Variants in TULP1 observed in about 807,000 individuals in gnomAD.
TULP1 encodes tubby-related protein 1.
TULP1 carries 50 observed loss-of-function variants against 67.1 expected under a neutral mutation model. The ratio of observed to expected loss-of-function variants is 0.75; its 90% CI spans 0.59 to 0.94. TULP1 has a LOEUF of 0.94. Ranked by LOEUF, TULP1 falls within the 40% of genes least tolerant of loss-of-function variation. The pLI, the probability that TULP1 is intolerant of heterozygous loss-of-function variation, is 0.00. For synonymous variants in TULP1, 297 were observed against 294.0 expected (o/e 1.01, Z -0.11); for missense variants, 746 against 734.1 (o/e 1.02, Z -0.19).
chr6:35,510,645 A>C (rs565518279), intron 5 of TULP1: 2 of 958,138 alleles, frequency 2.1e-6, no homozygotes, highest in Non-Finnish European at 3.0e-6. Context: ...CACAGAGCTC[A>C]AGGGGCAGGG....
At position 35,512,848 on chromosome 6, in the gene TULP1, C is replaced by T. The variant is rs373351673; in HGVS notation, c.11G>A (p.Arg4Gln). 1.5e-5 allele frequency: 25 copies of T among 1,612,928 alleles called. No homozygotes were observed. The highest frequency in any genetic ancestry group is 4.5e-5 in the East Asian group (2 of 44,892). Residue 4 changes from arginine to glutamine, a missense_variant, in exon 1 of 15, where the codon CGG becomes CAG. Coordinates refer to ENST00000229771, the MANE Select transcript of TULP1 (RefSeq NM_003322.6). MPLRDETLREVWAS... is the reference protein window; with the variant it reads MPLQDETLREVWAS... ...CCACACCTCTCGGAGGGTTTCATCC[C>T]GCAGAGGCATGGTGCCTTTGCCTAT...
chr6:35,503,308 T>C lies in TULP1; in HGVS notation c.1323+251A>G. ...CTAGGATAATACTTGGCACTCAATATGTGTGGTCAATGAAGATATGAATGG... is the reference window on the plus strand; with the variant it reads ...CTAGGATAATACTTGGCACTCAATACGTGTGGTCAATGAAGATATGAATGG... On this transcript the variant is annotated intron_variant, in intron 13 of 14. Coordinates refer to ENST00000229771, the MANE Select transcript of TULP1 (RefSeq NM_003322.6). The surrounding 1 kb of genome is among the most constrained non-coding windows in gnomAD (Gnocchi z 4.0). The C allele has an allele frequency of 2.0e-6, 1 of 509,408 alleles. No individual in the cohort carries two copies. Among genetic ancestry groups the C allele is most frequent in the Non-Finnish European group, 3.6e-6 (1 of 279,476 alleles). The allele number at this position is 509,408 out of a possible 1,614,324, so 31.6% of individuals were successfully genotyped here.
Position 35,503,464 on chromosome 6 carries a change from A to G in TULP1, c.1323+95T>C, listed in dbSNP as rs572508511. 7 of 1,246,578 alleles carry G rather than the reference A, an allele frequency of 5.6e-6. No individual in the cohort carries two copies. In the South Asian group the frequency reaches 9.0e-5, roughly 16 times the overall value. The allele number at this position is 1,246,578 out of a possible 1,614,324, so 77.2% of individuals were successfully genotyped here. A position where few individuals can be genotyped will look rare whatever the true frequency, so the allele number is the denominator to read the frequency against. On this transcript the variant is annotated intron_variant, in intron 13 of 14. Transcript: ENST00000229771. The surrounding 1 kb of genome is among the most constrained non-coding windows in gnomAD (Gnocchi z 4.0). ...CAGAATGAATTTGTGTTGGAGGGTG[A>G]TGGATGTGCTCAGGGAGTTGGCTAT...
At chr6:35,510,534 CTT>C (rs1237098773) in intron 5 of TULP1, among the ~76,000 whole-genome samples, 1 of 152,226 alleles carries the variant, frequency 6.6e-6, no homozygotes, top group African/African-American at 2.4e-5. Flanking sequence ...ACTGTAATCA[CTT>C]TGATACTTTT....
At chr6:35,499,857 G>A in intron 14 of TULP1, 124 bp downstream of exon 14, 1 of 1,209,520 alleles carries the variant, frequency 8.3e-7, no homozygotes, top group Non-Finnish European at 1.2e-6. Flanking sequence ...GACCCTGTGG[G>A]ATGTCCCAGC....
At chr6:35,510,799 G>A in intron 5 of TULP1, 62 bp downstream of exon 5, 1 of 1,609,520 alleles carries the variant, frequency 6.2e-7, no homozygotes. Flanking sequence ...GAGACGCCAA[G>A]CCCTCCAAGG....
chr6:35,499,104 G>A (rs750755339), intron 14 of TULP1, among the ~76,000 whole-genome samples: 2 of 152,160 alleles, frequency 1.3e-5, no homozygotes. Context: ...CTCAATGTTG[G>A]TCCAACCCTG....
At position 35,512,206 on chromosome 6, in the gene TULP1, G is replaced by A; in HGVS notation, c.164C>T (p.Thr55Met). The A allele has an allele frequency of 7.4e-7, 1 of 1,356,244 alleles. No individual in the cohort carries two copies. 84.0% of individuals were successfully genotyped at this position (1,356,244 alleles called of 1,614,324 possible). Reference protein sequence around the residue: ...RTEAPESPCPTGSKPRKPGAG... With the variant: ...RTEAPESPCPMGSKPRKPGAG... ...TCCGGGCTTCCGGGGCTTGGATCCC[G>A]TGGGGCAGGGGGATTCGGGGGCCTC... The change falls in exon 3 of 15, where the codon ACG (threonine) becomes ATG (methionine). Residue 55 changes from threonine to methionine, a missense_variant. By Grantham distance (81) the Thr-to-Met change is moderately conservative (BLOSUM62 -1). Coordinates refer to ENST00000229771, the MANE Select transcript of TULP1 (RefSeq NM_003322.6).
chr6:35,512,174 GC>G lies in TULP1; in HGVS notation c.190+5del. ...GGGGTCCACCCGGGCTCTGCACCCC[GC>G]CCACCTCCGGGCTTCCGGGGCTTGG... On this transcript the variant is annotated splice_donor_5th_base_variant and intron_variant, in intron 3 of 14. Coordinates refer to ENST00000229771, the MANE Select transcript of TULP1 (RefSeq NM_003322.6). 1 of 1,335,774 alleles carries G rather than the reference GC, an allele frequency of 7.5e-7. No homozygotes were observed. The highest frequency in any genetic ancestry group is 9.6e-7 in the Non-Finnish European group (1 of 1,042,558). The allele number at this position is 1,335,774 out of a possible 1,614,324, so 82.7% of individuals were successfully genotyped here. A position where few individuals can be genotyped will look rare whatever the true frequency, so the allele number is the denominator to read the frequency against.
chr6:35,507,762 G>C (rs1257466090), intron 8 of TULP1, among the ~76,000 whole-genome samples: 1 of 152,174 alleles, frequency 6.6e-6, no homozygotes, highest in Non-Finnish European at 1.5e-5. Flanking sequence ...AATGCTATTT[G>C]GGAGCCACGA....
chr6:35,512,280 G>T lies in TULP1; in HGVS notation c.100-10C>A. ...GTGCCGGGGCGGGTCGCTGCGGAAC[G>T]GGGGTCAAGAGGAGGTCGAGGAAGG... On this transcript the variant is annotated splice_polypyrimidine_tract_variant and intron_variant, in intron 2 of 14. Coordinates refer to ENST00000229771, the MANE Select transcript of TULP1 (RefSeq NM_003322.6). The T allele has an allele frequency of 7.2e-7, 1 of 1,380,964 alleles. No individual in the cohort carries two copies. The highest frequency in any genetic ancestry group is 1.5e-5 in the African/African-American group (1 of 68,536). The allele number at this position is 1,380,964 out of a possible 1,614,324, so 85.5% of individuals were successfully genotyped here. A position where few individuals can be genotyped will look rare whatever the true frequency, so the allele number is the denominator to read the frequency against.
At position 35,503,417 on chromosome 6, in the gene TULP1, C is replaced by G. The variant is rs2150924008; in HGVS notation, c.1323+142G>C. Reference sequence around the variant, plus strand: ...TTCAGTGAATTCAATTACAAAAAGCCCAAGTCCATTCCCTAGGTGGCCAGA... The same window carrying G: ...TTCAGTGAATTCAATTACAAAAAGCGCAAGTCCATTCCCTAGGTGGCCAGA... On this transcript the variant is annotated intron_variant, in intron 13 of 14. Transcript: ENST00000229771. This position sits in a 1 kb window ranked among gnomAD's most constrained non-coding sequence, Gnocchi z 4.0. 1 of 856,246 alleles carries G rather than the reference C, an allele frequency of 1.2e-6. No individual in the cohort carries two copies. Among genetic ancestry groups the G allele is most frequent in the East Asian group, 2.7e-5 (1 of 37,336 alleles). 53.0% of individuals were successfully genotyped at this position (856,246 alleles called of 1,614,324 possible).
chr6:35,499,358 T>C (rs1768778717), intron 14 of TULP1, among the ~76,000 whole-genome samples: 1 of 152,242 alleles, frequency 6.6e-6, no homozygotes, highest in Admixed American at 6.5e-5. Flanking sequence ...AGATCCAGAC[T>C]GTCAGCTCTA....
intron 2 of TULP1, 102 bp from the exon 3 acceptor site, chr6:35,512,372 T>G: frequency 1.4e-6 from 1 of 704,218 alleles, no homozygotes; most frequent in Non-Finnish European, 2.3e-6. Flanking sequence ...AACCGCAGAT[T>G]ATCCGGGGGG....
rs535718653 is a variant in TULP1, at chr6:35,505,645, G to C, written c.1112+96C>G. The C allele has an allele frequency of 5.7e-6, 9 of 1,567,324 alleles. No individual in the cohort carries two copies. The South Asian group carries it at 1.0e-4, about 18-fold the overall frequency. ...AGGGGACGTTTCCAGGGTGCCCACT[G>C]TGGTGGGTGCTCTACCAGGCACAGC... On this transcript the variant is annotated intron_variant, in intron 11 of 14. Transcript: ENST00000229771.
At position 35,498,164 on chromosome 6, in the gene TULP1, G is replaced by T; in HGVS notation, c.*163C>A. 2.5e-6 allele frequency: 3 copies of T among 1,208,422 alleles called. No individual in the cohort carries two copies. The highest frequency in any genetic ancestry group is 2.3e-6 in the Non-Finnish European group (2 of 877,132). The allele number at this position is 1,208,422 out of a possible 1,614,324, so 74.9% of individuals were successfully genotyped here. A position where few individuals can be genotyped will look rare whatever the true frequency, so the allele number is the denominator to read the frequency against. ...CCGGGCTCCTCCTGCCTCGGCCTGT[G>T]CCAGGCTGGGGAGAGGACGGAGGTC... On this transcript the variant is annotated 3_prime_UTR_variant, in exon 15 of 15. Transcript: ENST00000229771. This position sits in a 1 kb window ranked among gnomAD's most constrained non-coding sequence, Gnocchi z 6.7.
intron 5 of TULP1, chr6:35,510,585 A>G (rs1329719111): frequency 1.7e-6 from 1 of 573,730 alleles, no homozygotes; most frequent in African/African-American, 1.9e-5. Flanking sequence ...TAAAACAAAA[A>G]CTAAACAAAA....
chr6:35,499,922 G>A lies in TULP1; in HGVS notation c.1495+59C>T. On this transcript the variant is annotated intron_variant, in intron 14 of 14. Coordinates refer to ENST00000229771, the MANE Select transcript of TULP1 (RefSeq NM_003322.6). The stretch of plus-strand genomic sequence containing the variant: ...GTGAGGGGGTGAGGGGAGCTTGAAT[G>A]AAGGTCAGCATCCTGGGGGTGGTGG... 3 of 1,598,526 alleles carry A rather than the reference G, an allele frequency of 1.9e-6. 1 individual carries two copies. In the South Asian group the frequency reaches 3.3e-5, roughly 18 times the overall value.
At chr6:35,507,870 A>G (rs990933607) in intron 8 of TULP1, among the ~76,000 whole-genome samples, 1 of 152,188 alleles carries the variant, frequency 6.6e-6, no homozygotes, top group Non-Finnish European at 1.5e-5. Context: ...GCTGGAATGC[A>G]GTGGCGTGAT....
Sources: gnomAD v4.1 joint callset for allele counts (sites outside exome capture counted in the v4.1 genomes callset) on GRCh38, gnomAD v4.1.1 for gene constraint, Gnocchi (gnomAD v3.1) non-coding constraint, MANE v1.5 for transcripts, NCBI Gene and HGNC (gene_info 2026-07-23, HGNC 2026-07-21) for gene names.